Variants in PPWD1 observed in about 807,000 individuals in gnomAD.
The protein encoded by PPWD1 is peptidylprolyl isomerase domain and WD repeat containing 1.
A neutral mutation model predicts 68.8 loss-of-function variants in PPWD1; 43 were observed. The ratio of observed to expected loss-of-function variants is 0.62; its 90% confidence interval spans 0.49 to 0.81. The LOEUF is 0.81. Ranked by LOEUF, PPWD1 falls within the 30% of genes least tolerant of loss-of-function variation. The pLI is 0.00. For missense variants in PPWD1, 672 were observed against 804.8 expected (o/e 0.83, Z 2.00); for synonymous variants, 232 against 258.7 (o/e 0.90, Z 0.99).
At chr5:65,586,751 ACTT>A (rs1753869535) in intron 10 of PPWD1, among the ~76,000 whole-genome samples, 1 of 152,186 alleles carries the variant, frequency 6.6e-6, no homozygotes. Context: ...TATTCACAGT[ACTT>A]CTACTATCAG....
intron 2 of PPWD1, 105 bp from the exon 3 acceptor site, chr5:65,569,518 TAAAAAAAAA>T: frequency 8.4e-7 from 1 of 1,187,746 alleles, no homozygotes; most frequent in Middle Eastern, 2.6e-4. Context: ...GGGTTTTTTT[TAAAAAAAAA>T]CCTATTATGC....
intron 6 of PPWD1, chr5:65,579,185 G>A: frequency 4.7e-6 from 2 of 423,504 alleles, no homozygotes; most frequent in Non-Finnish European, 7.4e-6. Context: ...CCAAAGTGCT[G>A]GGATTACAGG....
chr5:65,584,564 T>C (rs1222825512), intron 8 of PPWD1, among the ~76,000 whole-genome samples: 2 of 152,098 alleles, frequency 1.3e-5, no homozygotes, highest in Non-Finnish European at 2.9e-5. Flanking sequence ...GTAAACTAAC[T>C]TAAGATATTG....
intron 1 of PPWD1, 110 bp downstream of exon 1, chr5:65,563,616 C>G (rs1365919991): frequency 7.1e-7 from 1 of 1,413,192 alleles, no homozygotes; most frequent in African/African-American, 1.4e-5. Flanking sequence ...GCCCTCAGAA[C>G]AGAGGGCCGT....
Position 65,563,448 on chromosome 5 carries a change from C to T in PPWD1, c.138C>T (p.Asn46=). The change falls in exon 1 of 11, where the codon AAC becomes AAT. Residue 46 remains asparagine, a synonymous_variant. Coordinates refer to ENST00000261308, the MANE Select transcript of PPWD1 (RefSeq NM_015342.4). ...VAVSQENDEE[N]EERWVGPLPV... ...TGTCCCAGGAGAACGATGAGGAGAA[C>T]GAAGAGCGCTGGGTTGGACCTTTAC... The T allele has an allele frequency of 1.2e-6, 2 of 1,614,064 alleles. No homozygotes were observed. The highest frequency in any genetic ancestry group is 1.7e-6 in the Non-Finnish European group (2 of 1,180,010).
intron 1 of PPWD1, among the ~76,000 whole-genome samples, chr5:65,564,796 AT>A (rs1752639177): frequency 2.0e-5 from 3 of 151,916 alleles, no homozygotes; most frequent in Admixed American, 1.3e-4. Flanking sequence ...TTTCCTCTGG[AT>A]TCCTACCCAG....
chr5:65,583,408 T>G (rs546360983), intron 8 of PPWD1, 189 bp downstream of exon 8: 2 of 497,440 alleles, frequency 4.0e-6, no homozygotes, highest in South Asian at 8.8e-5. Context: ...TTTTTATGCA[T>G]ATATACTTTA....
At chr5:65,568,508 G>A (rs1752873185) in intron 2 of PPWD1, among the ~76,000 whole-genome samples, 1 of 152,058 alleles carries the variant, frequency 6.6e-6, no homozygotes, top group Admixed American at 6.6e-5. Context: ...CTGTGAGCAG[G>A]AGAGTAACAT....
chr5:65,568,401 CTG>C (rs1433810923), intron 2 of PPWD1, among the ~76,000 whole-genome samples: 1 of 152,062 alleles, frequency 6.6e-6, no homozygotes, highest in Non-Finnish European at 1.5e-5. Flanking sequence ...GATGACGAAA[CTG>C]AAGTTTAGAG....
At chr5:65,578,252 A>G (rs562427839) in intron 6 of PPWD1, among the ~76,000 whole-genome samples, 1 of 152,340 alleles carries the variant, frequency 6.6e-6, no homozygotes, top group African/African-American at 2.4e-5. Context: ...ACTGAAAGAC[A>G]TCTTGGTTGC....
chr5:65,580,943 T>C (rs1332008956), intron 7 of PPWD1, among the ~76,000 whole-genome samples: 3 of 152,232 alleles, frequency 2.0e-5, no homozygotes, highest in Non-Finnish European at 2.9e-5. Context: ...CCTCTGACGC[T>C]GTGCTCTTCT....
chr5:65,571,094 T>C (rs998638792), intron 4 of PPWD1, among the ~76,000 whole-genome samples: 2 of 152,152 alleles, frequency 1.3e-5, no homozygotes, highest in African/African-American at 2.4e-5. Context: ...TTCACAGATA[T>C]TGAATGTTTG....
At chr5:65,572,446 C>T (rs1336244616) in intron 5 of PPWD1, among the ~76,000 whole-genome samples, 160 bp downstream of exon 5, 1 of 152,072 alleles carries the variant, frequency 6.6e-6, no homozygotes, top group Non-Finnish European at 1.5e-5. Flanking sequence ...TGTAGTGTTG[C>T]TCTTTGAAAG....
chr5:65,576,926 A>G lies in PPWD1; in HGVS notation c.1017A>G (p.Glu339=), dbSNP rs1199768215. 1 of 1,614,180 alleles carries G rather than the reference A, an allele frequency of 6.2e-7. No homozygotes were observed. The highest frequency in any genetic ancestry group is 1.1e-5 in the South Asian group (1 of 91,090). The change falls in exon 6 of 11, where the codon GAA becomes GAG. Residue 339 remains glutamate, a synonymous_variant. Transcript: ENST00000261308. ...QQMRQQLPDM[E]FGRRMAVERE... is the part of the protein sequence containing the mutation. ...TGAGGCAACAGTTACCAGACATGGA[A>G]TTTGGCCGACGAATGGCTGTAGAAC...
chr5:65,573,364 C>T (rs935003751), intron 5 of PPWD1, among the ~76,000 whole-genome samples: 1 of 148,062 alleles, frequency 6.8e-6, no homozygotes, highest in Non-Finnish European at 1.5e-5. Flanking sequence ...CATGATCCAG[C>T]TCACTGCAAC....
At chr5:65,586,374 C>A (rs1753850938) in intron 10 of PPWD1, among the ~76,000 whole-genome samples, 193 bp downstream of exon 10, 1 of 152,058 alleles carries the variant, frequency 6.6e-6, no homozygotes, top group Admixed American at 6.6e-5. Context: ...ACAATACTGC[C>A]ACTGTAGTAA....
At chr5:65,573,476 T>TATATATATATATATATATATATATAA (rs201295161) in intron 5 of PPWD1, among the ~76,000 whole-genome samples, 15 of 59,662 alleles carry the variant, frequency 2.5e-4, no homozygotes, top group South Asian at 7.0e-4. Context: ...TATATATATA[T>TATATATATATATATATATATATATAA]TTTTTTTTTA....
At chr5:65,586,285 T>C in intron 10 of PPWD1, 104 bp downstream of exon 10, 1 of 1,097,186 alleles carries the variant, frequency 9.1e-7, no homozygotes, top group South Asian at 1.9e-5. Context: ...CTGCATTATT[T>C]ATATCATCTA....
Position 65,577,040 on chromosome 5 carries a change from CAT to C in PPWD1, c.1132_1133del (p.Ile378Ter). 6.2e-7 allele frequency: 1 copy of C among 1,613,102 alleles called. No homozygotes were observed. Among genetic ancestry groups the C allele is most frequent in the Non-Finnish European group, 8.5e-7 (1 of 1,179,294 alleles). ...HFVLYGTMLG[I>X]KVINVETNRC... ...TCGTGCTGTATGGAACAATGCTGGG[CAT>C]TAAAGTTATAAATGTAGAGACAAAC... On this transcript the variant is annotated frameshift_variant, in exon 6 of 11. Transcript: ENST00000261308. LOFTEE classifies it high-confidence loss of function.
Sources: allele counts gnomAD v4.1 joint callset (sites outside exome capture counted in the v4.1 genomes callset), GRCh38; gene constraint gnomAD v4.1.1; transcripts MANE v1.5; gene names NCBI Gene and HGNC (gene_info 2026-07-23, HGNC 2026-07-21).